Variants in PKHD1L1 observed in about 807,000 individuals in gnomAD.
PKHD1L1 encodes fibrocystin-L.
Under a neutral mutation model 462.9 loss-of-function variants are expected in PKHD1L1, and 434 were observed. That is an observed-to-expected ratio of 0.94 (90% CI 0.87 to 1.02). The LOEUF (loss-of-function observed/expected upper bound fraction) is 1.02. Among genes scored for constraint, PKHD1L1 ranks in the 50% least tolerant of loss-of-function variants. The pLI, the probability that PKHD1L1 is intolerant of heterozygous loss-of-function variation, is 0.00. For synonymous variants in PKHD1L1, 1,781 were observed against 1,750.0 expected (o/e 1.02, Z -0.44); for missense variants, 5,202 against 5,096.1 (o/e 1.02, Z -0.63).
chr8:109,479,981 T>C lies in PKHD1L1; in HGVS notation c.9179-10T>C, dbSNP rs1818190729. ...GATTATGTTATATTTCTTAAAGTAT[T>C]GTTTTATAGGAACATGGATTGTAGC... On this transcript the variant is annotated splice_polypyrimidine_tract_variant and intron_variant, in intron 54 of 77. Transcript: ENST00000378402. 1 of 1,551,380 alleles carries C rather than the reference T, an allele frequency of 6.4e-7. No homozygotes were observed. Among genetic ancestry groups the C allele is most frequent in the Non-Finnish European group, 8.6e-7 (1 of 1,156,756 alleles).
chr8:109,455,825 A>G (rs974623774), intron 45 of PKHD1L1, among the ~76,000 whole-genome samples: 2 of 152,178 alleles, frequency 1.3e-5, no homozygotes, highest in African/African-American at 4.8e-5. Flanking sequence ...CCTTATTATC[A>G]TAAAAGTCCT....
chr8:109,462,896 A>G (rs1488916970), intron 48 of PKHD1L1, among the ~76,000 whole-genome samples: 1 of 152,040 alleles, frequency 6.6e-6, no homozygotes, highest in Non-Finnish European at 1.5e-5. Flanking sequence ...TGCATGGCTG[A>G]CACCCTAATT....
rs189016503 is a variant in PKHD1L1, at chr8:109,390,548, G to A, written c.740+54G>A. 52 of 1,033,494 alleles carry A rather than the reference G, an allele frequency of 5.0e-5. 1 individual carries two copies. The Admixed American group carries it at 1.5e-3, about 30-fold the overall frequency. 64.0% of individuals were successfully genotyped at this position (1,033,494 alleles called of 1,614,324 possible). A position where few individuals can be genotyped will look rare whatever the true frequency, so the allele number is the denominator to read the frequency against. ...ATAATTGATTCAACAGGGTAAATAAGATAAAATGTATATTTAGTTTGTGCT... is the reference window on the plus strand; with the variant it reads ...ATAATTGATTCAACAGGGTAAATAAAATAAAATGTATATTTAGTTTGTGCT... On this transcript the variant is annotated intron_variant, in intron 9 of 77. Transcript: ENST00000378402.
chr8:109,517,090 C>T (rs1186259524), intron 72 of PKHD1L1, among the ~76,000 whole-genome samples: 1 of 152,054 alleles, frequency 6.6e-6, no homozygotes, highest in African/African-American at 2.4e-5. Flanking sequence ...TCTCCATAGA[C>T]AGAACGTAAT....
intron 56 of PKHD1L1, 54 bp from the exon 57 acceptor site, chr8:109,482,933 C>A: frequency 1.9e-6 from 2 of 1,035,906 alleles, no homozygotes; most frequent in Non-Finnish European, 2.7e-6. Context: ...TTTATACTAG[C>A]ACCTAACTCA....
intron 19 of PKHD1L1, among the ~76,000 whole-genome samples, chr8:109,411,969 C>A (rs552331436): frequency 1.3e-5 from 2 of 152,104 alleles, no homozygotes; most frequent in South Asian, 4.2e-4. Context: ...AAACCTGACA[C>A]ACAGTAAACA....
chr8:109,506,391 TC>T (rs1481457751), intron 68 of PKHD1L1, among the ~76,000 whole-genome samples: 10 of 152,202 alleles, frequency 6.6e-5, no homozygotes, highest in African/African-American at 2.4e-4. Context: ...GGCTGCTTTG[TC>T]TTAAGGTGGC....
intron 27 of PKHD1L1, among the ~76,000 whole-genome samples, chr8:109,431,944 T>A (rs1026647824): frequency 1.3e-5 from 2 of 152,196 alleles, no homozygotes; most frequent in South Asian, 4.1e-4. Context: ...AATAGCAACA[T>A]ATCCCCTACA....
chr8:109,485,421 C>G (rs994703117), intron 58 of PKHD1L1, among the ~76,000 whole-genome samples: 2 of 151,924 alleles, frequency 1.3e-5, no homozygotes, highest in African/African-American at 4.8e-5. Context: ...TAGGGTAAGG[C>G]TCAACACTTT....
At chr8:109,385,745 G>GTTT in intron 6 of PKHD1L1, 115 bp downstream of exon 6, 3 of 480,410 alleles carry the variant, frequency 6.2e-6, no homozygotes, top group Admixed American at 4.7e-5. Context: ...ACTAACCAGT[G>GTTT]TTTTTTTTTT....
At chr8:109,508,067 T>C (rs768740776) in intron 69 of PKHD1L1, 30 bp from the exon 70 acceptor site, 2 of 1,560,488 alleles carry the variant, frequency 1.3e-6, no homozygotes, top group Non-Finnish European at 1.7e-6. Flanking sequence ...TTCTGTATTA[T>C]TGCTAAAATA....
rs1205012633 is a variant in PKHD1L1, at chr8:109,398,476, T to C, written c.940T>C (p.Leu314=). ...VLVGGEPCDI[L]NVTENSICCK... ...CTCTATAGGTGAACCTTGTGATATTTTGAATGTCACAGAAAATAGTATATG... is the reference window on the plus strand; with the variant it reads ...CTCTATAGGTGAACCTTGTGATATTCTGAATGTCACAGAAAATAGTATATG... The change falls in exon 12 of 78, where the codon TTG becomes CTG. Residue 314 remains leucine (L), a synonymous_variant. Coordinates refer to ENST00000378402, the MANE Select transcript of PKHD1L1 (RefSeq NM_177531.6). The C allele has an allele frequency of 1.3e-6, 2 of 1,559,304 alleles. No individual in the cohort carries two copies. The highest frequency in any genetic ancestry group is 1.4e-5 in the African/African-American group (1 of 73,874).
In PKHD1L1 at chr8:109,444,898, G is replaced by A. The variant is rs376139383; in HGVS notation, c.5029G>A (p.Val1677Met). Residue 1677 changes from valine (V) to methionine (M), a missense_variant, in exon 38 of 78, where the codon GTG becomes ATG. Coordinates refer to ENST00000378402, the MANE Select transcript of PKHD1L1 (RefSeq NM_177531.6). ...AGGATCAACTACAGGAATGACAAGC[G>A]TGACCATAAAAGGCTCTGGATTTGC... ...NAGSTTGMTSVTIKGSGFAVS... is the reference protein window; with the variant it reads ...NAGSTTGMTSMTIKGSGFAVS... 3.5e-5 allele frequency: 56 copies of A among 1,613,862 alleles called. No homozygotes were observed. The highest frequency in any genetic ancestry group is 4.5e-5 in the East Asian group (2 of 44,896).
rs1820394777 is a variant in PKHD1L1 at position 109,518,575 on chromosome 8, T to G, written c.12031+67T>G. On this transcript the variant is annotated intron_variant, in intron 73 of 77. Coordinates refer to ENST00000378402, the MANE Select transcript of PKHD1L1 (RefSeq NM_177531.6). Reference sequence around the variant, plus strand: ...AAATCCATATCCATAAATAACCTGATCAGGGCTTGGTGAGCCTGGCCTCAG... The same window carrying G: ...AAATCCATATCCATAAATAACCTGAGCAGGGCTTGGTGAGCCTGGCCTCAG... The G allele has an allele frequency of 4.4e-6, 6 of 1,350,498 alleles. No homozygotes were observed. The East Asian group carries it at 1.5e-4, about 33-fold the overall frequency. The allele number at this position is 1,350,498 out of a possible 1,614,324, so 83.7% of individuals were successfully genotyped here.
intron 17 of PKHD1L1, among the ~76,000 whole-genome samples, chr8:109,407,646 T>C (rs1348263983): frequency 6.6e-6 from 1 of 152,144 alleles, no homozygotes; most frequent in Non-Finnish European, 1.5e-5. Context: ...TGTGCCCTAT[T>C]CATGTCTAAA....
chr8:109,375,294 A>C (rs1478110335), intron 2 of PKHD1L1, among the ~76,000 whole-genome samples: 1 of 152,142 alleles, frequency 6.6e-6, no homozygotes, highest in Non-Finnish European at 1.5e-5. Flanking sequence ...TGATCGCATC[A>C]GCTACTGAGG....
At chr8:109,453,028 C>T (rs1480675087) in intron 43 of PKHD1L1, among the ~76,000 whole-genome samples, 154 bp downstream of exon 43, 2 of 151,980 alleles carry the variant, frequency 1.3e-5, no homozygotes, top group Non-Finnish European at 2.9e-5. Flanking sequence ...TATTACAATC[C>T]ATTTGTGATT....
intron 50 of PKHD1L1, chr8:109,470,952 A>T (rs1319281415): frequency 1.2e-6 from 2 of 1,609,794 alleles, no homozygotes. Flanking sequence ...AACAGTGGGG[A>T]GTTCCTCTTT....
Position 109,534,134 on chromosome 8 carries a change from G to A in PKHD1L1, c.*4044G>A, listed in dbSNP as rs564584982. Among the ~76,000 whole-genome samples the A allele has an allele frequency of 6.6e-6, 1 of 152,334 alleles. No homozygotes were observed. The highest frequency in any genetic ancestry group is 6.5e-5 in the Admixed American group (1 of 15,294). On this transcript the variant is annotated 3_prime_UTR_variant, in exon 78 of 78. Transcript: ENST00000378402. ...GTTAAAATACCACATGCATCTTTGA[G>A]TTACTACTATACCCTCCCGAATGGA...
Sources: gnomAD v4.1 joint callset for allele counts (sites outside exome capture counted in the v4.1 genomes callset) on GRCh38, gnomAD v4.1.1 for gene constraint, MANE v1.5 for transcripts, NCBI Gene and HGNC (gene_info 2026-07-23, HGNC 2026-07-21) for gene names.